GNAQ: variants seen among roughly 807,000 people sequenced by gnomAD.
The protein encoded by GNAQ is G protein subunit alpha q.
GNAQ carries 8 observed loss-of-function variants against 43.9 expected under a neutral mutation model. The ratio of observed to expected loss-of-function variants is 0.18; its 90% CI spans 0.11 to 0.33. The LOEUF is 0.33. GNAQ is among the 10% of genes least tolerant of loss of function. The pLI is 1.00. For synonymous variants in GNAQ, 155 were observed against 170.7 expected (o/e 0.91, Z 0.71); for missense variants, 158 against 450.8 (o/e 0.35, Z 5.88).
chr9:77,748,403 T>C (rs973683970), intron 5 of GNAQ, among the ~76,000 whole-genome samples: 2 of 152,214 alleles, frequency 1.3e-5, no homozygotes, highest in African/African-American at 4.8e-5. Flanking sequence ...TGGAAATAGC[T>C]GTTCCCAGCA....
At chr9:77,804,527 T>C (rs1377679212) in intron 3 of GNAQ, among the ~76,000 whole-genome samples, 1 of 152,084 alleles carries the variant, frequency 6.6e-6, no homozygotes, top group African/African-American at 2.4e-5. Flanking sequence ...TAAATACATA[T>C]ATTAAAGTTA....
intron 1 of GNAQ, among the ~76,000 whole-genome samples, chr9:77,933,770 C>T (rs1168675866): frequency 1.3e-5 from 2 of 152,108 alleles, no homozygotes; most frequent in African/African-American, 2.4e-5. Flanking sequence ...TTTTAAGCAG[C>T]GAGGACCCTT....
intron 2 of GNAQ, among the ~76,000 whole-genome samples, chr9:77,820,837 A>T (rs1827101924): frequency 6.6e-6 from 1 of 152,178 alleles, no homozygotes; most frequent in South Asian, 2.1e-4. Flanking sequence ...CCTGAACCTC[A>T]GTTTCTTCAT....
intron 5 of GNAQ, among the ~76,000 whole-genome samples, chr9:77,738,712 A>G (rs896010129): frequency 2.6e-5 from 4 of 152,216 alleles, no homozygotes; most frequent in African/African-American, 9.7e-5. Flanking sequence ...GGCTAATGCA[A>G]CTGAAAAAAT....
chr9:77,723,652 T>C (rs1825353707), intron 6 of GNAQ, among the ~76,000 whole-genome samples: 1 of 152,342 alleles, frequency 6.6e-6, no homozygotes, highest in Admixed American at 6.5e-5. Context: ...ATGCATGAAC[T>C]GTGAGAACAT....
At chr9:77,873,338 CA>C (rs1422260410) in intron 2 of GNAQ, among the ~76,000 whole-genome samples, 1 of 152,138 alleles carries the variant, frequency 6.6e-6, no homozygotes, top group Non-Finnish European at 1.5e-5. Flanking sequence ...ACTTTACCCC[CA>C]AGGGAAATAA....
intron 2 of GNAQ, among the ~76,000 whole-genome samples, chr9:77,830,925 T>G (rs1827288445): frequency 6.6e-6 from 1 of 152,036 alleles, no homozygotes; most frequent in Non-Finnish European, 1.5e-5. Context: ...TTCAGTGGAG[T>G]TTTTAACCCA....
At chr9:77,832,519 T>G (rs1827315731) in intron 2 of GNAQ, among the ~76,000 whole-genome samples, 1 of 152,108 alleles carries the variant, frequency 6.6e-6, no homozygotes, top group South Asian at 2.1e-4. Context: ...AACCACAGCA[T>G]CCATAAAGTT....
intron 1 of GNAQ, among the ~76,000 whole-genome samples, chr9:77,939,979 T>C (rs1829291547): frequency 6.6e-6 from 1 of 152,168 alleles, no homozygotes; most frequent in African/African-American, 2.4e-5. Flanking sequence ...TCATATAATT[T>C]ATCATCCTAA....
At chr9:77,920,777 G>A (rs531850890) in intron 2 of GNAQ, among the ~76,000 whole-genome samples, 8 of 152,236 alleles carry the variant, frequency 5.3e-5, no homozygotes, top group East Asian at 1.9e-4. Flanking sequence ...TGTTGCCACC[G>A]GAAAACCAGG....
chr9:78,023,480 T>C (rs1564181467), intron 1 of GNAQ, among the ~76,000 whole-genome samples: 2 of 151,676 alleles, frequency 1.3e-5, no homozygotes, highest in Non-Finnish European at 2.9e-5. Context: ...AAGGGATGGG[T>C]AGGGGGGCTA....
intron 2 of GNAQ, among the ~76,000 whole-genome samples, chr9:77,854,746 C>G (rs895882422): frequency 6.6e-6 from 1 of 152,158 alleles, no homozygotes. Context: ...GTACCTAATG[C>G]AATCTACAGG....
chr9:77,747,488 A>G (rs1307781233), intron 5 of GNAQ, among the ~76,000 whole-genome samples: 1 of 152,214 alleles, frequency 6.6e-6, no homozygotes, highest in Non-Finnish European at 1.5e-5. Flanking sequence ...TCTTTAACTG[A>G]AGACTTGACA....
At chr9:77,855,946 C>T (rs1827747797) in intron 2 of GNAQ, among the ~76,000 whole-genome samples, 1 of 152,082 alleles carries the variant, frequency 6.6e-6, no homozygotes, top group Non-Finnish European at 1.5e-5. Flanking sequence ...ATACATAACA[C>T]AATAAACCTT....
intron 1 of GNAQ, among the ~76,000 whole-genome samples, chr9:78,008,474 C>A (rs1344952406): frequency 6.6e-6 from 1 of 152,196 alleles, no homozygotes; most frequent in African/African-American, 2.4e-5. Flanking sequence ...CCCCTGCTAC[C>A]ACCCCCACCA....
At chr9:77,994,146 A>G (rs1201284438) in intron 1 of GNAQ, among the ~76,000 whole-genome samples, 1 of 152,032 alleles carries the variant, frequency 6.6e-6, no homozygotes, top group Non-Finnish European at 1.5e-5. Context: ...CCTCCAGAGT[A>G]GCTGGGACTA....
chr9:78,017,740 G>C (rs1436111823), intron 1 of GNAQ, among the ~76,000 whole-genome samples: 2 of 152,086 alleles, frequency 1.3e-5, no homozygotes, highest in African/African-American at 4.8e-5. Flanking sequence ...CAACAGACTG[G>C]GGTTAAGTTT....
intron 3 of GNAQ, among the ~76,000 whole-genome samples, chr9:77,802,836 T>C (rs1826767440): frequency 6.6e-6 from 1 of 152,194 alleles, no homozygotes; most frequent in Non-Finnish European, 1.5e-5. Context: ...ATGGGAGATT[T>C]AGCTGCTTAA....
At chr9:77,948,905 T>C (rs1184669424) in intron 1 of GNAQ, among the ~76,000 whole-genome samples, 3 of 152,112 alleles carry the variant, frequency 2.0e-5, no homozygotes, top group Non-Finnish European at 4.4e-5. Context: ...ACATTGGAAC[T>C]TGGTGTCGGT....
Sources: allele counts gnomAD v4.1 joint callset (sites outside exome capture counted in the v4.1 genomes callset), GRCh38; gene constraint gnomAD v4.1.1; transcripts MANE v1.5; gene names NCBI Gene and HGNC (gene_info 2026-07-23, HGNC 2026-07-21).